FAM107B: variants seen among roughly 807,000 people sequenced by gnomAD.
FAM107B encodes family with sequence similarity 107 member B, also known as protein FAM107B.
Under a neutral mutation model 31.5 loss-of-function variants are expected in FAM107B, and 21 were observed. The observed-to-expected ratio is 0.67, with a 90% CI of 0.47 to 0.96. FAM107B has a LOEUF of 0.96. FAM107B is among the 40% of genes least tolerant of loss of function. The pLI, the probability that FAM107B is intolerant of heterozygous loss-of-function variation, is 0.00. For missense variants in FAM107B, 452 were observed against 377.1 expected (o/e 1.20, Z -1.64); for synonymous variants, 157 against 141.5 (o/e 1.11, Z -0.78).
At chr10:14,712,370 C>A (rs1804446919) in intron 1 of FAM107B, among the ~76,000 whole-genome samples, 2 of 151,932 alleles carry the variant, frequency 1.3e-5, no homozygotes, top group African/African-American at 2.4e-5. Flanking sequence ...GCGGGTGGAT[C>A]ATTTGAGGTT....
chr10:14,567,714 G>C (rs1163963774), intron 2 of FAM107B, among the ~76,000 whole-genome samples: 1 of 152,200 alleles, frequency 6.6e-6, no homozygotes, highest in East Asian at 1.9e-4. Context: ...AGAGGGGTTG[G>C]AAAGGGACCT....
intron 2 of FAM107B, among the ~76,000 whole-genome samples, chr10:14,658,546 A>T (rs1035668660): frequency 6.6e-6 from 1 of 152,244 alleles, no homozygotes; most frequent in Non-Finnish European, 1.5e-5. Context: ...TCATGCATGC[A>T]TACTTTAGTC....
intron 1 of FAM107B, among the ~76,000 whole-genome samples, chr10:14,744,718 C>A (rs906861517): frequency 6.6e-6 from 1 of 152,098 alleles, no homozygotes; most frequent in Non-Finnish European, 1.5e-5. Flanking sequence ...GGTGGTCAAG[C>A]TTTTTGATCT....
chr10:14,618,612 G>A (rs1238416044), intron 2 of FAM107B, among the ~76,000 whole-genome samples: 1 of 152,180 alleles, frequency 6.6e-6, no homozygotes, highest in Non-Finnish European at 1.5e-5. Flanking sequence ...CAAGGCAGGT[G>A]GATCACTTGA....
At chr10:14,522,150 C>T (rs894698637) in intron 3 of FAM107B, 131 bp from the exon 4 acceptor site, 5 of 1,136,434 alleles carry the variant, frequency 4.4e-6, no homozygotes, top group Non-Finnish European at 4.9e-6. Context: ...TACTAGGCTA[C>T]AGCAGGCAAC....
chr10:14,524,551 G>A (rs899603491), intron 3 of FAM107B, among the ~76,000 whole-genome samples: 1 of 152,134 alleles, frequency 6.6e-6, no homozygotes, highest in Non-Finnish European at 1.5e-5. Flanking sequence ...AATATGCACA[G>A]ATTAAATCTT....
chr10:14,726,655 A>G (rs1238891161), intron 1 of FAM107B, among the ~76,000 whole-genome samples: 1 of 152,168 alleles, frequency 6.6e-6, no homozygotes, highest in African/African-American at 2.4e-5. Flanking sequence ...GATCCTATGT[A>G]GGAAGTATTG....
At chr10:14,719,951 T>TGCTGTTA (rs1554752708) in intron 1 of FAM107B, among the ~76,000 whole-genome samples, 1 of 152,074 alleles carries the variant, frequency 6.6e-6, no homozygotes, top group Non-Finnish European at 1.5e-5. Flanking sequence ...TGTGGGCTCT[T>TGCTGTTA]TTCCTCACTG....
intron 1 of FAM107B, among the ~76,000 whole-genome samples, chr10:14,717,894 T>C (rs1459693635): frequency 2.0e-5 from 3 of 152,194 alleles, no homozygotes; most frequent in Non-Finnish European, 4.4e-5. Context: ...CACTGTACCA[T>C]TTTTTAATGA....
intron 1 of FAM107B, chr10:14,723,247 C>T: frequency 1.9e-6 from 1 of 531,798 alleles, no homozygotes; most frequent in South Asian, 1.4e-5. Flanking sequence ...TGTGGTGGGG[C>T]CGAGCACTCC....
rs1285629448 is a variant in FAM107B, at chr10:14,766,664, C to T, written c.411+7589G>A. Among the ~76,000 whole-genome samples, 3 of 151,918 alleles carry T rather than the reference C, an allele frequency of 2.0e-5. No individual in the cohort carries two copies. In the East Asian group the frequency reaches 5.8e-4, roughly 29 times the overall value. On this transcript the variant is annotated intron_variant, in intron 1 of 4. Transcript: ENST00000181796. ...ACTAGCAGGATCAAATGAGCTAGTA[C>T]TCATTTGATGATCAATGAGTGGTAC...
At chr10:14,754,270 C>A (rs1231078504) in intron 1 of FAM107B, among the ~76,000 whole-genome samples, 1 of 152,120 alleles carries the variant, frequency 6.6e-6, no homozygotes, top group Non-Finnish European at 1.5e-5. Flanking sequence ...GAAAATGAAT[C>A]CAAATAATTT....
At chr10:14,583,244 G>C (rs557588415) in intron 2 of FAM107B, among the ~76,000 whole-genome samples, 5 of 152,222 alleles carry the variant, frequency 3.3e-5, no homozygotes, top group African/African-American at 1.2e-4. Flanking sequence ...TTCTTCATCT[G>C]GCAGAAGTTA....
At chr10:14,667,819 T>A in intron 1 of FAM107B, 128 bp from the exon 2 acceptor site, 1 of 888,000 alleles carries the variant, frequency 1.1e-6, no homozygotes, top group Non-Finnish European at 1.8e-6. Flanking sequence ...AACCACACCT[T>A]AAAGAACTGA....
intron 2 of FAM107B, among the ~76,000 whole-genome samples, chr10:14,558,747 A>G (rs568046877): frequency 6.6e-6 from 1 of 152,284 alleles, no homozygotes; most frequent in Non-Finnish European, 1.5e-5. Flanking sequence ...GAGACCACCT[A>G]TAGTTTCTGG....
chr10:14,774,287 G>T lies in FAM107B; in HGVS notation c.377C>A (p.Ser126Tyr), dbSNP rs1414893816. Residue 126 changes from serine to tyrosine, a missense_variant, in exon 1 of 5, where the codon TCC (serine) becomes TAC (tyrosine). Ser to Tyr is a moderately radical substitution (Grantham distance 144). Transcript: ENST00000181796. ...ADCEAVVFHASIPRPSIIDTP... is the reference protein window; with the variant it reads ...ADCEAVVFHAYIPRPSIIDTP... ...GTCAATAATTGATGGTCTGGGGATGGAAGCGTGAAACACCACTGCTTCACA... is the reference window on the plus strand; with the variant it reads ...GTCAATAATTGATGGTCTGGGGATGTAAGCGTGAAACACCACTGCTTCACA... 6.2e-7 allele frequency: 1 copy of T among 1,613,612 alleles called. No homozygotes were observed. Among genetic ancestry groups the T allele is most frequent in the African/African-American group, 1.3e-5 (1 of 74,934 alleles).
chr10:14,584,941 A>G lies in FAM107B; in HGVS notation c.470-54426T>C, dbSNP rs116066085. Among the ~76,000 whole-genome samples the G allele has an allele frequency of 7.9e-3, 1,198 of 152,272 alleles. 17 individuals are homozygous for G. The highest frequency in any genetic ancestry group is 0.028 in the African/African-American group (1,153 of 41,558). Reference sequence around the variant, plus strand: ...TGTAATTGGTTGCTTCCTGCAACCAATCAGATGTTGGCACAGGGTGTAACT... The same window carrying G: ...TGTAATTGGTTGCTTCCTGCAACCAGTCAGATGTTGGCACAGGGTGTAACT... On this transcript the variant is annotated intron_variant, in intron 2 of 4. Transcript: ENST00000181796.
At chr10:14,701,972 G>C (rs1855409191) in intron 1 of FAM107B, among the ~76,000 whole-genome samples, 1 of 152,232 alleles carries the variant, frequency 6.6e-6, no homozygotes, top group Non-Finnish European at 1.5e-5. Flanking sequence ...AACTTTCAGA[G>C]GTTCAGGATT....
At chr10:14,531,574 G>A (rs1847012294) in intron 2 of FAM107B, among the ~76,000 whole-genome samples, 1 of 150,620 alleles carries the variant, frequency 6.6e-6, no homozygotes, top group African/African-American at 2.4e-5. Flanking sequence ...GGGCACAGTG[G>A]CTCATATATG....
Sources: allele counts gnomAD v4.1 joint callset (sites outside exome capture counted in the v4.1 genomes callset), GRCh38; gene constraint gnomAD v4.1.1; transcripts MANE v1.5; gene names NCBI Gene and HGNC (gene_info 2026-07-23, HGNC 2026-07-21).